MRPS18C: variants seen among roughly 807,000 people sequenced by gnomAD.
The protein encoded by MRPS18C is small ribosomal subunit protein bS18m.
A neutral mutation model predicts 21.0 loss-of-function variants in MRPS18C; 21 were observed. The observed-to-expected ratio is 1.00, with a 90% CI of 0.71 to 1.44. The LOEUF (loss-of-function observed/expected upper bound fraction) is 1.44. MRPS18C is among the 40% of genes most tolerant of loss of function. The probability of loss-of-function intolerance (pLI) is 0.00; values close to 1 mark genes in which losing one functional copy is unlikely to be tolerated. For synonymous variants in MRPS18C, 65 were observed against 54.3 expected (o/e 1.20, Z -0.87); for missense variants, 152 against 171.5 (o/e 0.89, Z 0.64).
chr4:83,460,698 G>C (rs917524193), intron 4 of MRPS18C: 4 of 351,648 alleles, frequency 1.1e-5, no homozygotes, highest in Middle Eastern at 8.9e-4. Flanking sequence ...GAGGCCAGGA[G>C]TTCAGGACCA....
intron 2 of MRPS18C, 119 bp from the exon 3 acceptor site, chr4:83,458,227 T>C: frequency 1.4e-6 from 1 of 700,220 alleles, no homozygotes; most frequent in Non-Finnish European, 2.4e-6. Flanking sequence ...TTATACAAAA[T>C]ATGTACACAG....
intron 3 of MRPS18C, 52 bp downstream of exon 3, chr4:83,458,481 C>G (rs776361347): frequency 2.9e-6 from 4 of 1,364,924 alleles, no homozygotes; most frequent in Non-Finnish European, 3.1e-6. Flanking sequence ...TCTGATAGAT[C>G]TGCTTAAAGA....
rs190063949 is a variant in MRPS18C, at chr4:83,462,068, A to G, written c.*871A>G. 3.9e-3 allele frequency: 896 copies of G among 231,816 alleles called. 5 individuals carry two copies. The highest frequency in any genetic ancestry group is 8.5e-3 in the South Asian group (47 of 5,514). The allele number at this position is 231,816 out of a possible 1,614,324, so 14.4% of individuals were successfully genotyped here. The stretch of plus-strand genomic sequence containing the variant: ...AAGGCTATTCTTGCTTTTCCATTTT[A>G]TTTTTTAATAGACATGGTCTCAATA... On this transcript the variant is annotated 3_prime_UTR_variant, in exon 6 of 6. Coordinates refer to ENST00000295491, the MANE Select transcript of MRPS18C (RefSeq NM_016067.4).
chr4:83,457,054 T>G, intron 2 of MRPS18C, 96 bp downstream of exon 2: 1 of 998,970 alleles, frequency 1.0e-6, no homozygotes, highest in East Asian at 2.4e-5. Context: ...CTAACATCTT[T>G]TATTTTAGCT....
At chr4:83,459,953 T>G (rs1415625897) in intron 4 of MRPS18C, 156 bp downstream of exon 4, 1 of 572,966 alleles carries the variant, frequency 1.7e-6, no homozygotes. Context: ...AAAAAGTCTC[T>G]TAGGCCAAGA....
intron 2 of MRPS18C, chr4:83,457,816 CA>C: frequency 6.5e-6 from 1 of 154,900 alleles, no homozygotes; most frequent in Non-Finnish European, 1.4e-5. Context: ...GGCACTGTGA[CA>C]AAAGCATTAG....
At chr4:83,460,832 G>C (rs1722068151) in intron 4 of MRPS18C, 141 bp from the exon 5 acceptor site, 2 of 664,136 alleles carry the variant, frequency 3.0e-6, no homozygotes, top group Non-Finnish European at 5.3e-6. Context: ...ATTGAGCCTG[G>C]GTGGCGGAGG....
chr4:83,457,874 T>C (rs1041688156), intron 2 of MRPS18C: 5 of 161,204 alleles, frequency 3.1e-5, no homozygotes, highest in South Asian at 1.8e-4. Flanking sequence ...TACAAACTTA[T>C]ATAGTAGCCT....
At chr4:83,456,445 A>C (rs1721828080) in intron 1 of MRPS18C, among the ~76,000 whole-genome samples, 1 of 152,192 alleles carries the variant, frequency 6.6e-6, no homozygotes, top group South Asian at 2.1e-4. Context: ...TGAGGAAGGG[A>C]CATTTCCAGA....
Position 83,461,605 on chromosome 4 carries a change from G to T in MRPS18C, c.*408G>T. ...AGAAGGACAAAATATTCCTAGACGAGTCTACCCTCAAACCAGTAGTGTCTT... is the reference window on the plus strand; with the variant it reads ...AGAAGGACAAAATATTCCTAGACGATTCTACCCTCAAACCAGTAGTGTCTT... On this transcript the variant is annotated 3_prime_UTR_variant, in exon 6 of 6. Transcript: ENST00000295491. 1 of 293,346 alleles carries T rather than the reference G, an allele frequency of 3.4e-6. No homozygotes were observed. The highest frequency in any genetic ancestry group is 7.2e-5 in the South Asian group (1 of 13,880). 18.2% of individuals were successfully genotyped at this position (293,346 alleles called of 1,614,324 possible).
Position 83,458,436 on chromosome 4 carries a change from T to C in MRPS18C, c.234+7T>C. ...AGATTATAAGAATGTACAGGTGAGATCTGGTTTTACTTCACTATATTTTAG... is the reference window on the plus strand; with the variant it reads ...AGATTATAAGAATGTACAGGTGAGACCTGGTTTTACTTCACTATATTTTAG... On this transcript the variant is annotated splice_region_variant and intron_variant, in intron 3 of 5. Coordinates refer to ENST00000295491, the MANE Select transcript of MRPS18C (RefSeq NM_016067.4). 1.9e-6 allele frequency: 3 copies of C among 1,568,282 alleles called. No individual in the cohort carries two copies. The highest frequency in any genetic ancestry group is 2.3e-5 in the East Asian group (1 of 44,142).
chr4:83,460,583 A>G (rs1722055747), intron 4 of MRPS18C: 1 of 209,974 alleles, frequency 4.8e-6, no homozygotes, highest in Admixed American at 5.4e-5. Flanking sequence ...GGCCCTTGAC[A>G]AAAATGATTT....
At position 83,461,023 on chromosome 4, in the gene MRPS18C, C is replaced by T; in HGVS notation, c.343C>T (p.Gln115Ter). 1 of 1,612,336 alleles carries T rather than the reference C, an allele frequency of 6.2e-7. No individual in the cohort carries two copies. The highest frequency in any genetic ancestry group is 1.3e-5 in the African/African-American group (1 of 74,788). The part of the protein sequence containing the change: ...KEITKAIKRA[Q>*]IMGFMPVTYK... ...AATCACAAAAGCAATTAAGAGAGCT[C>T]AAATAATGGGTAAGAAAGAATACCT... Residue 115 changes from glutamine (Q) to a stop codon, truncating the protein, a stop_gained, in exon 5 of 6, where the codon CAA (glutamine) becomes TAA (stop). Coordinates refer to ENST00000295491, the MANE Select transcript of MRPS18C (RefSeq NM_016067.4). LOFTEE classifies it high-confidence loss of function.
chr4:83,460,451 A>T (rs1722045026), intron 4 of MRPS18C: 1 of 152,852 alleles, frequency 6.5e-6, no homozygotes, highest in Non-Finnish European at 1.4e-5. Context: ...CACTGCACCC[A>T]ACCCCACTTG....
intron 4 of MRPS18C, 151 bp downstream of exon 4, chr4:83,459,948 G>C: frequency 3.4e-6 from 2 of 583,546 alleles, no homozygotes; most frequent in Non-Finnish European, 5.8e-6. Flanking sequence ...CTATGAAAAA[G>C]TCTCTTAGGC....
chr4:83,459,906 A>G (rs1203779486), intron 4 of MRPS18C, 109 bp downstream of exon 4: 5 of 887,896 alleles, frequency 5.6e-6, no homozygotes, highest in Non-Finnish European at 8.7e-6. Context: ...AATTACTACT[A>G]GATCAGATAC....
chr4:83,461,681 A>G lies in MRPS18C; in HGVS notation c.*484A>G, dbSNP rs1722123936. ...AATAGACATTGAATATGATAGACAT[A>G]CATGTATATATGTATCAGTTCTGAG... On this transcript the variant is annotated 3_prime_UTR_variant, in exon 6 of 6. Coordinates refer to ENST00000295491, the MANE Select transcript of MRPS18C (RefSeq NM_016067.4). 3.9e-6 allele frequency: 1 copy of G among 254,184 alleles called. No individual in the cohort carries two copies. Among genetic ancestry groups the G allele is most frequent in the Non-Finnish European group, 7.7e-6 (1 of 129,390 alleles). 15.7% of individuals were successfully genotyped at this position (254,184 alleles called of 1,614,324 possible). A position where few individuals can be genotyped will look rare whatever the true frequency, so the allele number is the denominator to read the frequency against.
At chr4:83,459,928 G>A (rs529928480) in intron 4 of MRPS18C, 131 bp downstream of exon 4, 1 of 681,370 alleles carries the variant, frequency 1.5e-6, no homozygotes, top group African/African-American at 1.8e-5. Flanking sequence ...ACAGGGACTA[G>A]AGCTAGTTAC....
intron 4 of MRPS18C, 113 bp from the exon 5 acceptor site, chr4:83,460,860 A>G (rs573173687): frequency 1.2e-6 from 1 of 840,750 alleles, no homozygotes; most frequent in East Asian, 2.6e-5. Context: ...GAGGCGAGAG[A>G]GCACCACTGT....
Sources: gnomAD v4.1 joint callset for allele counts (sites outside exome capture counted in the v4.1 genomes callset) on GRCh38, gnomAD v4.1.1 for gene constraint, MANE v1.5 for transcripts, NCBI Gene and HGNC (gene_info 2026-07-23, HGNC 2026-07-21) for gene names.